MARCHF1: variants seen among roughly 807,000 people sequenced by gnomAD.
The protein encoded by MARCHF1 is E3 ubiquitin-protein ligase MARCHF1.
Under a neutral mutation model 54.2 loss-of-function variants are expected in MARCHF1, and 40 were observed. The ratio of observed to expected loss-of-function variants is 0.74; its 90% CI spans 0.57 to 0.96. MARCHF1 has a LOEUF of 0.96. Ranked by LOEUF, MARCHF1 falls within the 40% of genes least tolerant of loss-of-function variation. MARCHF1 has a pLI of 0.00. For missense variants in MARCHF1, 586 were observed against 656.5 expected, an observed-to-expected ratio of 0.89 and a Z score of 1.17; for synonymous variants, 236 against 236.3, an observed-to-expected ratio of 1.00 and a Z score of 0.01.
intron 5 of MARCHF1, among the ~76,000 whole-genome samples, chr4:163,632,596 A>G (rs1420324831): frequency 6.6e-6 from 1 of 152,166 alleles, no homozygotes; most frequent in East Asian, 1.9e-4. Flanking sequence ...GGAGGGTCCT[A>G]TGCCCACGGA....
chr4:164,276,934 C>CTATA (rs373542049), intron 1 of MARCHF1, among the ~76,000 whole-genome samples: 12,054 of 114,860 alleles, frequency 0.1, 822 homozygotes, highest in Middle Eastern at 0.19. Context: ...GTCTCATATT[C>CTATA]TATATATATA....
At chr4:163,668,004 A>G (rs148073417) in intron 5 of MARCHF1, among the ~76,000 whole-genome samples, 48 of 152,332 alleles carry the variant, frequency 3.2e-4, no homozygotes, top group African/African-American at 1.1e-3. Context: ...GATCTGTGTT[A>G]GAATGAATGT....
At chr4:164,241,880 A>T (rs1732772207) in intron 1 of MARCHF1, among the ~76,000 whole-genome samples, 1 of 152,178 alleles carries the variant, frequency 6.6e-6, no homozygotes, top group Non-Finnish European at 1.5e-5. Context: ...GGCACCTGGA[A>T]AATCAGGTCA....
At chr4:164,102,522 T>C (rs1298987576) in intron 2 of MARCHF1, among the ~76,000 whole-genome samples, 19 of 149,800 alleles carry the variant, frequency 1.3e-4, no homozygotes, top group Non-Finnish European at 2.2e-4. Context: ...CTAAGCTTCA[T>C]AAGTGAAGGA....
intron 5 of MARCHF1, among the ~76,000 whole-genome samples, chr4:163,646,606 T>C (rs557651593): frequency 6.6e-6 from 1 of 152,192 alleles, no homozygotes; most frequent in African/African-American, 2.4e-5. Flanking sequence ...TATAAAAATA[T>C]GTAAATTGTG....
intron 1 of MARCHF1, among the ~76,000 whole-genome samples, chr4:164,176,211 T>C (rs1730659151): frequency 6.6e-6 from 1 of 152,302 alleles, no homozygotes; most frequent in South Asian, 2.1e-4. Context: ...CCTGACTAAA[T>C]ACAGTCACTG....
intron 1 of MARCHF1, among the ~76,000 whole-genome samples, chr4:164,339,213 T>C (rs1416495358): frequency 6.6e-6 from 1 of 152,112 alleles, no homozygotes; most frequent in African/African-American, 2.4e-5. Flanking sequence ...AACTACACTT[T>C]AAACCAAGTG....
chr4:163,732,063 G>T (rs918292266), intron 4 of MARCHF1, among the ~76,000 whole-genome samples: 1 of 151,998 alleles, frequency 6.6e-6, no homozygotes, highest in Non-Finnish European at 1.5e-5. Flanking sequence ...AAAGAAGTAG[G>T]AAATATGTCC....
At chr4:163,932,333 C>G (rs1417913794) in intron 3 of MARCHF1, among the ~76,000 whole-genome samples, 1 of 152,214 alleles carries the variant, frequency 6.6e-6, no homozygotes, top group Non-Finnish European at 1.5e-5. Flanking sequence ...GCATGCTAAA[C>G]TATTTGATAG....
intron 4 of MARCHF1, among the ~76,000 whole-genome samples, chr4:163,785,120 T>G (rs1164897830): frequency 6.6e-6 from 1 of 152,102 alleles, no homozygotes. Context: ...TACACTAAAA[T>G]AGTTACCTTT....
chr4:164,191,808 A>G (rs986574413), intron 1 of MARCHF1, among the ~76,000 whole-genome samples: 4 of 152,190 alleles, frequency 2.6e-5, no homozygotes, highest in Admixed American at 2.6e-4. Context: ...ACACTTGCTG[A>G]CAGATACATA....
intron 4 of MARCHF1, among the ~76,000 whole-genome samples, chr4:163,846,540 C>A (rs1212595422): frequency 6.6e-6 from 1 of 151,972 alleles, no homozygotes; most frequent in Admixed American, 6.6e-5. Flanking sequence ...AATTTGGTTT[C>A]TTTGTAAGGA....
intron 1 of MARCHF1, among the ~76,000 whole-genome samples, chr4:164,349,917 A>G (rs1156735458): frequency 6.6e-6 from 1 of 152,198 alleles, no homozygotes; most frequent in East Asian, 1.9e-4. Context: ...TACCTTTTGA[A>G]GTCAGAAACA....
chr4:164,309,254 C>CTGTG (rs10577361), intron 1 of MARCHF1, among the ~76,000 whole-genome samples: 34,815 of 147,776 alleles, frequency 0.24, 4,409 homozygotes, highest in Non-Finnish European at 0.31. Flanking sequence ...AATTTCTAAC[C>CTGTG]TGTGTGTGTG....
Position 164,066,062 on chromosome 4 carries a change from A to G in MARCHF1, c.-248+45526T>C, listed in dbSNP as rs187246001. Among the ~76,000 whole-genome samples the G allele has an allele frequency of 1.4e-3, 214 of 152,292 alleles. 2 individuals carry two copies. Among genetic ancestry groups the G allele is most frequent in the African/African-American group, 4.9e-3 (204 of 41,568 alleles). On this transcript the variant is annotated intron_variant, in intron 2 of 9. Coordinates refer to ENST00000514618, the MANE Select transcript of MARCHF1 (RefSeq NM_001394959.1). ...CAGACACACCCAGAAACAATACTTT[A>G]CCAGCTATCTAGGCACCCTTCAACC...
At chr4:164,308,286 C>T (rs938899774) in intron 1 of MARCHF1, among the ~76,000 whole-genome samples, 1 of 152,060 alleles carries the variant, frequency 6.6e-6, no homozygotes, top group African/African-American at 2.4e-5. Context: ...CAAACATTAC[C>T]TTAGAAATTA....
At chr4:163,806,241 T>C (rs79106528) in intron 4 of MARCHF1, among the ~76,000 whole-genome samples, 2 of 152,222 alleles carry the variant, frequency 1.3e-5, no homozygotes, top group African/African-American at 4.8e-5. Flanking sequence ...TCTGACATCC[T>C]TCTTTTATTT....
chr4:164,017,906 A>T (rs1294226954), intron 2 of MARCHF1, among the ~76,000 whole-genome samples: 1 of 151,768 alleles, frequency 6.6e-6, no homozygotes, highest in African/African-American at 2.4e-5. Context: ...AGATTTTATA[A>T]AAAGCCACAG....
intron 1 of MARCHF1, among the ~76,000 whole-genome samples, chr4:164,192,028 C>A (rs998815045): frequency 2.0e-5 from 3 of 151,984 alleles, no homozygotes; most frequent in Non-Finnish European, 4.4e-5. Context: ...ATAAAACAAA[C>A]CAACGACAAG....
Sources: gnomAD v4.1 joint callset for allele counts (sites outside exome capture counted in the v4.1 genomes callset) on GRCh38, gnomAD v4.1.1 for gene constraint, MANE v1.5 for transcripts, NCBI Gene and HGNC (gene_info 2026-07-23, HGNC 2026-07-21) for gene names.